The following UNC13B variants were observed in gnomAD, a reference collection of about 807,000 sequenced individuals.
UNC13B encodes protein unc-13 homolog B.
UNC13B carries 144 observed loss-of-function variants against 211.0 expected under a neutral mutation model. The observed-to-expected ratio is 0.68, with a 90% CI of 0.60 to 0.78. The LOEUF is 0.78. UNC13B is among the 30% of genes least tolerant of loss of function. The pLI, the probability that UNC13B is intolerant of heterozygous loss-of-function variation, is 0.00. For missense variants in UNC13B, 1,777 were observed against 2,002.0 expected (o/e 0.89, Z 2.14); for synonymous variants, 709 against 725.8 (o/e 0.98, Z 0.37).
intron 11 of UNC13B, among the ~76,000 whole-genome samples, chr9:35,322,506 G>T (rs1399297910): frequency 2.6e-5 from 4 of 152,054 alleles, no homozygotes; most frequent in East Asian, 1.9e-4. Flanking sequence ...AGAAGGCCTG[G>T]GTTTAAATGG....
intron 1 of UNC13B, among the ~76,000 whole-genome samples, chr9:35,218,123 A>G (rs906594496): frequency 6.6e-6 from 1 of 152,132 alleles, no homozygotes; most frequent in African/African-American, 2.4e-5. Flanking sequence ...ATATTGTGAG[A>G]TAGGCTCTTT....
chr9:35,367,050 T>C, intron 12 of UNC13B, 57 bp downstream of exon 12: 1 of 1,536,328 alleles, frequency 6.5e-7, no homozygotes, highest in Non-Finnish European at 9.0e-7. Context: ...TTGATGCTTT[T>C]AGCTTTTCCC....
At chr9:35,216,173 C>A (rs766782411) in intron 1 of UNC13B, among the ~76,000 whole-genome samples, 8 of 152,158 alleles carry the variant, frequency 5.3e-5, no homozygotes, top group Non-Finnish European at 1.0e-4. Context: ...ATCATCTCAA[C>A]AGATGCAGAA....
chr9:35,276,833 A>C (rs916566334), intron 7 of UNC13B, among the ~76,000 whole-genome samples: 1 of 152,150 alleles, frequency 6.6e-6, no homozygotes, highest in Non-Finnish European at 1.5e-5. Context: ...TTCAATGATA[A>C]TTGTTTTCCC....
chr9:35,353,416 G>A, intron 11 of UNC13B: 1 of 1,232,282 alleles, frequency 8.1e-7, no homozygotes, highest in Non-Finnish European at 1.0e-6. Flanking sequence ...GACTTCTTGG[G>A]ACAGTGAGTT....
intron 10 of UNC13B, among the ~76,000 whole-genome samples, chr9:35,313,281 C>T (rs1339238269): frequency 6.6e-6 from 1 of 152,042 alleles, no homozygotes; most frequent in Non-Finnish European, 1.5e-5. Context: ...ATTATTTTCA[C>T]ATTGAGTATT....
intron 1 of UNC13B, among the ~76,000 whole-genome samples, chr9:35,164,285 G>A (rs929442515): frequency 2.0e-5 from 3 of 152,202 alleles, no homozygotes; most frequent in Non-Finnish European, 4.4e-5. Flanking sequence ...CCAAAGTGCT[G>A]GGATTAGAGG....
intron 1 of UNC13B, among the ~76,000 whole-genome samples, chr9:35,196,456 C>T (rs1291946881): frequency 6.6e-6 from 1 of 152,162 alleles, no homozygotes; most frequent in African/African-American, 2.4e-5. Flanking sequence ...GTCAGAGAGA[C>T]TCAGGAGCGG....
chr9:35,390,431 GA>G (rs1404806226), intron 25 of UNC13B, among the ~76,000 whole-genome samples, 197 bp from the exon 26 acceptor site: 1 of 152,220 alleles, frequency 6.6e-6, no homozygotes, highest in Non-Finnish European at 1.5e-5. Flanking sequence ...TGCCTATGGG[GA>G]TCCCTTCTGC....
At chr9:35,249,584 G>A (rs540612105) in intron 6 of UNC13B, among the ~76,000 whole-genome samples, 2 of 152,226 alleles carry the variant, frequency 1.3e-5, no homozygotes, top group African/African-American at 4.8e-5. Context: ...TTGCTTGTCT[G>A]TAAAGTATTT....
intron 11 of UNC13B, chr9:35,352,111 C>G: frequency 1.6e-6 from 2 of 1,232,254 alleles, no homozygotes; most frequent in Non-Finnish European, 1.0e-6. Context: ...AGGTGAGCAC[C>G]TGTTCCCTGG....
At position 35,353,143 on chromosome 9, in the gene UNC13B, G is replaced by C. The variant is rs929425721; in HGVS notation, c.9415-13804G>C. The C allele has an allele frequency of 8.9e-6, 11 of 1,232,016 alleles. No individual in the cohort carries two copies. In the African/African-American group the frequency reaches 1.7e-4, roughly 19 times the overall value. 76.3% of individuals were successfully genotyped at this position (1,232,016 alleles called of 1,614,324 possible). ...TAGGGCCTGAGACTTTCAGTGACATGGTTCATATTGACCTGAATGAAGAGG... is the reference window on the plus strand; with the variant it reads ...TAGGGCCTGAGACTTTCAGTGACATCGTTCATATTGACCTGAATGAAGAGG... On this transcript the variant is annotated intron_variant, in intron 11 of 39. Transcript: ENST00000635942.
chr9:35,170,162 G>GT (rs577735418), intron 1 of UNC13B, among the ~76,000 whole-genome samples: 402 of 148,328 alleles, frequency 2.7e-3, no homozygotes, highest in Non-Finnish European at 4.0e-3. Flanking sequence ...TATTATTACT[G>GT]TTTTTTTTTT....
chr9:35,381,078 T>A, intron 18 of UNC13B, 22 bp from the exon 19 acceptor site: 1 of 1,606,784 alleles, frequency 6.2e-7, no homozygotes, highest in Non-Finnish European at 8.5e-7. Context: ...GGTGTCAATC[T>A]CCAGTCTTCT....
chr9:35,219,413 T>C (rs1427850054), intron 1 of UNC13B, among the ~76,000 whole-genome samples: 1 of 151,804 alleles, frequency 6.6e-6, no homozygotes, highest in African/African-American at 2.4e-5. Context: ...AACAGCGAGG[T>C]ATAGATAGAA....
rs1829788267 is a variant in UNC13B at position 35,303,582 on chromosome 9, T to C, written c.4178T>C (p.Leu1393Pro). The C allele has an allele frequency of 2.5e-6, 1 of 398,662 alleles. No individual in the cohort carries two copies. The allele number at this position is 398,662 out of a possible 1,614,324, so 24.7% of individuals were successfully genotyped here. ...RFLSADACLW[L>P]DSENSVINFC... ...CTATCAGCCGATGCTTGCTTGTGGC[T>C]TGACTCAGAAAACTCAGTGATAAAT... The change falls in exon 9 of 40, where the codon CTT (leucine) becomes CCT (proline). Residue 1393 changes from leucine (L) to proline (P), a missense_variant. Coordinates refer to ENST00000635942, the MANE Select transcript of UNC13B (RefSeq NM_001371189.2).
intron 14 of UNC13B, 152 bp from the exon 15 acceptor site, chr9:35,375,876 G>A: frequency 1.4e-6 from 1 of 708,374 alleles, no homozygotes; most frequent in South Asian, 1.8e-5. Context: ...AGCTACTTGG[G>A]GGCCAAGGCA....
At chr9:35,384,925 G>A (rs1835093998) in intron 22 of UNC13B, 4 of 718,406 alleles carry the variant, frequency 5.6e-6, no homozygotes, top group Non-Finnish European at 6.8e-6. Flanking sequence ...TTCAGAACAG[G>A]CAATATATGC....
intron 9 of UNC13B, 46 bp downstream of exon 9, chr9:35,308,458 C>A: frequency 2.5e-6 from 1 of 398,338 alleles, no homozygotes; most frequent in South Asian, 1.3e-4. Context: ...AGGAATTGAC[C>A]ATTTATGATG....
Sources: allele counts gnomAD v4.1 joint callset (sites outside exome capture counted in the v4.1 genomes callset), GRCh38; gene constraint gnomAD v4.1.1; transcripts MANE v1.5; gene names NCBI Gene and HGNC (gene_info 2026-07-23, HGNC 2026-07-21).